The following TPTE2 variants were observed in gnomAD, a reference collection of about 807,000 sequenced individuals.
The protein encoded by TPTE2 is phosphatidylinositol 3,4,5-trisphosphate 3-phosphatase TPTE2.
TPTE2 carries 53 observed loss-of-function variants against 78.6 expected under a neutral mutation model. The ratio of observed to expected loss-of-function variants is 0.67; its 90% confidence interval spans 0.54 to 0.85. The LOEUF (loss-of-function observed/expected upper bound fraction) is 0.85. Ranked by LOEUF, TPTE2 falls within the 40% of genes least tolerant of loss-of-function variation. The pLI, the probability that TPTE2 is intolerant of heterozygous loss-of-function variation, is 0.00. For missense variants in TPTE2, 461 were observed against 623.0 expected, an observed-to-expected ratio of 0.74 and a Z score of 2.77; for synonymous variants, 175 against 206.2, an observed-to-expected ratio of 0.85 and a Z score of 1.30.
intron 10 of TPTE2, among the ~76,000 whole-genome samples, chr13:19,459,962 C>T (rs193112118): frequency 3.8e-4 from 58 of 152,286 alleles, no homozygotes; most frequent in African/African-American, 1.3e-3. Flanking sequence ...GCTAGTATTC[C>T]AAGCCAGTGG....
chr13:19,472,089 T>C (rs896524328), intron 6 of TPTE2, among the ~76,000 whole-genome samples: 3 of 152,220 alleles, frequency 2.0e-5, no homozygotes, highest in Non-Finnish European at 4.4e-5. Flanking sequence ...CTTGCTGCTT[T>C]TAAGATCCTT....
intron 16 of TPTE2, 52 bp from the exon 20 acceptor site, chr13:19,430,599 A>G (rs753983190): frequency 7.8e-7 from 1 of 1,284,248 alleles, no homozygotes. Flanking sequence ...ATGAAGATCA[A>G]TATGTCTCAC....
chr13:19,435,867 C>T (rs1215283898), intron 15 of TPTE2, among the ~76,000 whole-genome samples: 2 of 151,396 alleles, frequency 1.3e-5, no homozygotes, highest in African/African-American at 4.9e-5. Flanking sequence ...TTGTGAAAGA[C>T]TTGGATCTTT....
In TPTE2 at chr13:19,468,101, C is replaced by T. The variant is rs1879398452; in HGVS notation, c.393-757G>A. On this transcript the variant is annotated intron_variant, in intron 6 of 19. Coordinates refer to ENST00000400230, the Ensembl canonical transcript of TPTE2. ...AGCTGCCCAGGCTGGAGTGCAATGG[C>T]GTGATCTCGGCTCACTGCAACCTCC... Among the ~76,000 whole-genome samples the T allele has an allele frequency of 5.3e-5, 6 of 113,496 alleles. No homozygotes were observed. In the Admixed American group the frequency reaches 5.5e-4, roughly 10 times the overall value. The allele number at this position is 113,496 out of a possible 152,430, so 74.5% of individuals were successfully genotyped here. A position where few individuals can be genotyped will look rare whatever the true frequency, so the allele number is the denominator to read the frequency against.
chr13:19,440,389 G>GA (rs1291835526), intron 13 of TPTE2, among the ~76,000 whole-genome samples: 10 of 149,904 alleles, frequency 6.7e-5, no homozygotes, highest in Non-Finnish European at 1.5e-4. Flanking sequence ...AATAGATGCA[G>GA]AAAAAAAAGC....
intron 13 of TPTE2, among the ~76,000 whole-genome samples, chr13:19,441,646 GAAACTTC>G (rs1412112845): frequency 2.0e-5 from 3 of 152,000 alleles, no homozygotes; most frequent in Non-Finnish European, 2.9e-5. Flanking sequence ...CAACAACTAG[GAAACTTC>G]CTTAACTCAA....
At chr13:19,440,138 G>A (rs1877393723) in intron 13 of TPTE2, among the ~76,000 whole-genome samples, 1 of 152,100 alleles carries the variant, frequency 6.6e-6, no homozygotes, top group African/African-American at 2.4e-5. Flanking sequence ...GCATTACCAA[G>A]GCATATACTC....
intron 10 of TPTE2, among the ~76,000 whole-genome samples, chr13:19,452,734 C>T (rs533052446): frequency 6.6e-6 from 1 of 152,156 alleles, no homozygotes; most frequent in East Asian, 1.9e-4. Flanking sequence ...CAATTGCTCT[C>T]GGAATTGGCA....
intron 6 of TPTE2, among the ~76,000 whole-genome samples, chr13:19,467,925 G>A (rs2137573537): frequency 7.5e-6 from 1 of 133,060 alleles, no homozygotes; most frequent in East Asian, 2.5e-4. Flanking sequence ...CCCATAATAA[G>A]TGAGAACATG....
At chr13:19,499,587 T>G (rs1881629421) in intron 1 of TPTE2, among the ~76,000 whole-genome samples, 1 of 145,016 alleles carries the variant, frequency 6.9e-6, no homozygotes. Context: ...AATAAAGATG[T>G]TCTTTGAAAC....
the TPTE2 span, among the ~76,000 whole-genome samples, chr13:19,550,417 T>C: frequency 6.6e-6 from 1 of 152,182 alleles, no homozygotes; most frequent in Non-Finnish European, 1.5e-5. Context: ...AGATAATACA[T>C]ACTATCCTTG....
chr13:19,522,504 A>G (rs565570798), intron 1 of TPTE2, among the ~76,000 whole-genome samples: 1 of 152,306 alleles, frequency 6.6e-6, no homozygotes, highest in East Asian at 1.9e-4. Flanking sequence ...TGGAAAAGAC[A>G]TTAAATTTGT....
chr13:19,489,603 T>C lies in TPTE2; in HGVS notation c.119+3247A>G, dbSNP rs145546183. Among the ~76,000 whole-genome samples the C allele has an allele frequency of 8.6e-3, 1,292 of 150,336 alleles. 12 individuals are homozygous for C. Among genetic ancestry groups the C allele is most frequent in the African/African-American group, 0.03 (1,235 of 41,068 alleles). On this transcript the variant is annotated intron_variant, in intron 3 of 19. Coordinates refer to ENST00000400230, the Ensembl canonical transcript of TPTE2. ...AGATATGTATATATAGATATATATA[T>C]ACACACATTTAAATATGCACATATG...
At chr13:19,554,949 T>C in the TPTE2 span, among the ~76,000 whole-genome samples, 16 of 152,298 alleles carry the variant, frequency 1.1e-4, no homozygotes, top group African/African-American at 3.8e-4. Flanking sequence ...CTTGTCTCAG[T>C]TATCTTTTAC....
chr13:19,529,062 G>A (rs1870702154), intron 1 of TPTE2, among the ~76,000 whole-genome samples: 1 of 152,184 alleles, frequency 6.6e-6, no homozygotes, highest in Non-Finnish European at 1.5e-5. Flanking sequence ...GGGTTGCAGT[G>A]AGCCAAGATC....
At chr13:19,472,663 G>C (rs1272497904) in intron 6 of TPTE2, among the ~76,000 whole-genome samples, 1 of 152,072 alleles carries the variant, frequency 6.6e-6, no homozygotes, top group Non-Finnish European at 1.5e-5. Flanking sequence ...ATTGGCTCCT[G>C]GTGTCTTATT....
intron 3 of TPTE2, among the ~76,000 whole-genome samples, chr13:19,491,805 A>G (rs955971939): frequency 2.0e-5 from 3 of 152,210 alleles, no homozygotes; most frequent in African/African-American, 7.2e-5. Context: ...AGCTTGGGCA[A>G]CAGCGAGACT....
At chr13:19,488,475 A>G (rs1290833793) in intron 3 of TPTE2, among the ~76,000 whole-genome samples, 1 of 152,208 alleles carries the variant, frequency 6.6e-6, no homozygotes, top group Admixed American at 6.5e-5. Flanking sequence ...ACCTTCATCA[A>G]TTATCTCAGC....
chr13:19,443,768 A>ACCCC (rs1566042339), intron 13 of TPTE2, among the ~76,000 whole-genome samples: 8 of 136,910 alleles, frequency 5.8e-5, no homozygotes, highest in African/African-American at 1.8e-4. Context: ...ACACACACAC[A>ACCCC]CACACACACA....
Sources: gnomAD v4.1 joint callset for allele counts (sites outside exome capture counted in the v4.1 genomes callset) on GRCh38, gnomAD v4.1.1 for gene constraint, MANE v1.5 for transcripts, NCBI Gene and HGNC (gene_info 2026-07-23, HGNC 2026-07-21) for gene names.